DTWD2: variants seen among roughly 807,000 people sequenced by gnomAD.
The protein encoded by DTWD2 is DTW motif tRNA-uridine aminocarboxypropyltransferase 2, also known as tRNA-uridine aminocarboxypropyltransferase 2.
In DTWD2, 39 loss-of-function variants were observed where a neutral mutation model predicts 31.8. The ratio of observed to expected loss-of-function variants is 1.22; its 90% confidence interval spans 0.95 to 1.60. The LOEUF (loss-of-function observed/expected upper bound fraction) is 1.60. Ranked by LOEUF, DTWD2 falls within the 40% of genes most tolerant of loss-of-function variation. The pLI, the probability that DTWD2 is intolerant of heterozygous loss-of-function variation, is 0.00. For synonymous variants in DTWD2, 180 were observed against 142.8 expected (o/e 1.26, Z -1.86); for missense variants, 515 against 381.5 (o/e 1.35, Z -2.92).
chr5:118,878,931 C>T (rs1331721212), intron 4 of DTWD2, among the ~76,000 whole-genome samples: 1 of 152,136 alleles, frequency 6.6e-6, no homozygotes, highest in East Asian at 1.9e-4. Flanking sequence ...ATCAAAAGCA[C>T]AATGAGATGC....
At chr5:118,947,677 C>T (rs1334918791) in intron 1 of DTWD2, among the ~76,000 whole-genome samples, 2 of 152,138 alleles carry the variant, frequency 1.3e-5, no homozygotes, top group African/African-American at 2.4e-5. Context: ...CATGTTCTCA[C>T]TTTGGGGCAT....
intron 4 of DTWD2, among the ~76,000 whole-genome samples, chr5:118,866,081 A>C (rs1439053419): frequency 6.6e-6 from 1 of 151,956 alleles, no homozygotes. Context: ...TTAGAACCAA[A>C]ATGCCTTAAC....
intron 4 of DTWD2, among the ~76,000 whole-genome samples, chr5:118,898,683 T>C (rs1272741640): frequency 6.9e-6 from 1 of 144,338 alleles, no homozygotes; most frequent in African/African-American, 2.5e-5. Flanking sequence ...AAAATGAGAA[T>C]GAGAAGATAA....
At chr5:118,855,686 C>T (rs1752117216) in intron 4 of DTWD2, among the ~76,000 whole-genome samples, 1 of 152,100 alleles carries the variant, frequency 6.6e-6, no homozygotes, top group Non-Finnish European at 1.5e-5. Flanking sequence ...TCAAGGTTAC[C>T]ACCCTTGTTA....
intron 1 of DTWD2, among the ~76,000 whole-genome samples, chr5:118,959,792 A>T (rs1030016370): frequency 6.6e-6 from 1 of 152,204 alleles, no homozygotes; most frequent in Non-Finnish European, 1.5e-5. Context: ...GTAAAGCCAC[A>T]TACCTACAAC....
chr5:118,958,430 C>G (rs966050117), intron 1 of DTWD2, among the ~76,000 whole-genome samples: 9 of 151,624 alleles, frequency 5.9e-5, no homozygotes, highest in Admixed American at 5.9e-4. Flanking sequence ...TACACTCCAG[C>G]CAGGGCAACA....
At chr5:118,868,356 T>C (rs550277947) in intron 4 of DTWD2, among the ~76,000 whole-genome samples, 3 of 152,188 alleles carry the variant, frequency 2.0e-5, no homozygotes, top group South Asian at 4.2e-4. Context: ...GGACTTGGGA[T>C]TGCTTTCTTG....
chr5:118,943,508 G>T (rs539046179), intron 2 of DTWD2, among the ~76,000 whole-genome samples: 3 of 147,236 alleles, frequency 2.0e-5, no homozygotes, highest in Non-Finnish European at 4.4e-5. Flanking sequence ...CTGAGATCGC[G>T]CCACTGCACT....
At chr5:118,906,680 C>A (rs972041268) in intron 4 of DTWD2, among the ~76,000 whole-genome samples, 2 of 151,986 alleles carry the variant, frequency 1.3e-5, no homozygotes, top group African/African-American at 2.4e-5. Flanking sequence ...TGCCTAAAGA[C>A]AGGGAAAGGG....
intron 1 of DTWD2, among the ~76,000 whole-genome samples, chr5:118,961,556 CAT>C (rs1230702070): frequency 6.6e-6 from 1 of 152,190 alleles, no homozygotes; most frequent in Non-Finnish European, 1.5e-5. Context: ...AGAATGTCCA[CAT>C]GATTTATTCA....
chr5:118,982,692 T>C (rs1370154443), intron 1 of DTWD2, among the ~76,000 whole-genome samples: 2 of 147,534 alleles, frequency 1.4e-5, no homozygotes, highest in African/African-American at 5.0e-5. Flanking sequence ...TTTTCTTTTT[T>C]TTTTTTTTTT....
intron 4 of DTWD2, among the ~76,000 whole-genome samples, chr5:118,902,647 C>T (rs778856217): frequency 3.3e-5 from 5 of 151,930 alleles, no homozygotes; most frequent in Non-Finnish European, 5.9e-5. Context: ...TCAATTACAA[C>T]CACCCCTGCA....
At chr5:118,951,285 GGCCTGGCAAGGGGCA>G (rs1307309242) in intron 1 of DTWD2, among the ~76,000 whole-genome samples, 1 of 152,076 alleles carries the variant, frequency 6.6e-6, no homozygotes, top group Non-Finnish European at 1.5e-5. Context: ...GACCTGGCTC[GGCCTGGCAAGGGGCA>G]GCCTGGGGAG....
At chr5:118,852,054 G>A (rs536055362) in intron 4 of DTWD2, among the ~76,000 whole-genome samples, 3 of 152,184 alleles carry the variant, frequency 2.0e-5, no homozygotes, top group African/African-American at 7.2e-5. Flanking sequence ...TCTCTTCCTA[G>A]AGTATTAATA....
intron 4 of DTWD2, among the ~76,000 whole-genome samples, chr5:118,853,207 C>T (rs1752051196): frequency 6.6e-6 from 1 of 152,118 alleles, no homozygotes; most frequent in Admixed American, 6.6e-5. Context: ...ACCTCTTGAT[C>T]TAAAATACAA....
intron 4 of DTWD2, among the ~76,000 whole-genome samples, chr5:118,870,834 G>C (rs1752485445): frequency 6.6e-6 from 1 of 151,944 alleles, no homozygotes; most frequent in Non-Finnish European, 1.5e-5. Flanking sequence ...ACACACAGGA[G>C]AACTTCTTTT....
At chr5:118,901,329 T>G (rs1433355927) in intron 4 of DTWD2, among the ~76,000 whole-genome samples, 1 of 152,122 alleles carries the variant, frequency 6.6e-6, no homozygotes, top group Non-Finnish European at 1.5e-5. Context: ...AATCCAGGGA[T>G]TCAACAAACA....
intron 3 of DTWD2, among the ~76,000 whole-genome samples, chr5:118,930,400 A>C (rs1753896941): frequency 1.3e-5 from 2 of 152,226 alleles, no homozygotes; most frequent in Admixed American, 1.3e-4. Flanking sequence ...TTGGACTTCC[A>C]AATTCAGCTC....
chr5:118,867,666 A>C (rs1561433264), intron 4 of DTWD2, among the ~76,000 whole-genome samples: 1 of 152,158 alleles, frequency 6.6e-6, no homozygotes, highest in African/African-American at 2.4e-5. Context: ...ATTCCCTCCT[A>C]CCTAAAATGT....
Sources: allele counts gnomAD v4.1 joint callset (sites outside exome capture counted in the v4.1 genomes callset), GRCh38; gene constraint gnomAD v4.1.1; transcripts MANE v1.5; gene names NCBI Gene and HGNC (gene_info 2026-07-23, HGNC 2026-07-21).